The following GGT5 variants were observed in gnomAD, a reference collection of about 807,000 sequenced individuals.
GGT5 encodes gamma-glutamyltransferase 5.
A neutral mutation model predicts 58.1 loss-of-function variants in GGT5; 50 were observed. The observed-to-expected ratio is 0.86, with a 90% CI of 0.69 to 1.09. The LOEUF (loss-of-function observed/expected upper bound fraction) is 1.09, where lower values mean the gene tolerates loss of function less well. Among genes scored for constraint, GGT5 ranks in the 50% least tolerant of loss-of-function variants. The pLI is 0.00. For synonymous variants in GGT5, 370 were observed against 346.1 expected (o/e 1.07, Z -0.77); for missense variants, 800 against 789.4 (o/e 1.01, Z -0.16).
At position 24,238,895 on chromosome 22, in the gene GGT5, A is replaced by AT. The variant is rs1569372260; in HGVS notation, c.174-4892dup. On this transcript the variant is annotated intron_variant, in intron 1 of 11. Coordinates refer to ENST00000327365, the MANE Select transcript of GGT5 (RefSeq NM_004121.5). Reference sequence around the variant, plus strand: ...ATATAATATATATTATATATTTTATATATATATATATTATATATATTATAT... The same window carrying AT: ...ATATAATATATATTATATATTTTATATTATATATATATTATATATATTATAT... 6.5e-3 allele frequency among the ~76,000 whole-genome samples: 79 copies of AT among 12,170 alleles called. 1 individual carries two copies. The highest frequency in any genetic ancestry group is 0.023 in the African/African-American group (63 of 2,696). 8.0% of individuals were successfully genotyped at this position (12,170 alleles called of 152,430 possible).
chr22:24,220,782 A>G (rs2047567444), intron 11 of GGT5: 1 of 418,522 alleles, frequency 2.4e-6, no homozygotes, highest in Non-Finnish European at 4.7e-6. Context: ...CTGTAATCCC[A>G]GCACTTTGGG....
At chr22:24,233,793 T>C in intron 2 of GGT5, 81 bp downstream of exon 2, 1 of 1,387,054 alleles carries the variant, frequency 7.2e-7, no homozygotes, top group Non-Finnish European at 1.0e-6. Context: ...GGGCTTGAGT[T>C]GATGGGACTG....
intron 1 of GGT5, among the ~76,000 whole-genome samples, chr22:24,235,642 T>G (rs1378126996): frequency 2.6e-5 from 4 of 152,068 alleles, no homozygotes; most frequent in Non-Finnish European, 5.9e-5. Flanking sequence ...AATAAACAAG[T>G]CAGGCATAAA....
At chr22:24,222,515 G>A (rs1456986463) in intron 11 of GGT5, among the ~76,000 whole-genome samples, 2 of 152,084 alleles carry the variant, frequency 1.3e-5, no homozygotes, top group Non-Finnish European at 2.9e-5. Flanking sequence ...GACTCTCCTC[G>A]CCCTAGTCCC....
chr22:24,231,431 G>T lies in GGT5; in HGVS notation c.854C>A (p.Pro285Gln). ...LGDYTLYSPP[P>Q]PAGGAILSFI... is the part of the protein sequence containing the mutation. The stretch of plus-strand genomic sequence containing the variant: ...GCTGAGAATGGCACCCCCTGCAGGC[G>T]GCGGTGGTGAGTACAGGGTATAGTC... The change falls in exon 6 of 12, where the codon CCG becomes CAG. Residue 285 changes from proline to glutamine, a missense_variant. Physicochemically the swap from Pro to Gln is moderately conservative, Grantham distance 76. Transcript: ENST00000327365. The T allele has an allele frequency of 6.4e-7, 1 of 1,558,686 alleles. No individual in the cohort carries two copies. The highest frequency in any genetic ancestry group is 2.4e-5 in the East Asian group (1 of 41,464).
At chr22:24,227,879 A>C (rs1016107258) in intron 6 of GGT5, among the ~76,000 whole-genome samples, 2 of 151,666 alleles carry the variant, frequency 1.3e-5, no homozygotes, top group African/African-American at 4.8e-5. Context: ...GTGAAACCCC[A>C]TCTCTACAAA....
chr22:24,233,098 C>G (rs2047997885), intron 3 of GGT5, 80 bp from the exon 4 acceptor site: 3 of 1,068,526 alleles, frequency 2.8e-6, no homozygotes, highest in East Asian at 2.9e-5. Flanking sequence ...TGTGGCCCCC[C>G]AGTTACAGCA....
Position 24,232,220 on chromosome 22 carries a change from G to T in GGT5, c.597-12C>A. On this transcript the variant is annotated splice_polypyrimidine_tract_variant and intron_variant, in intron 4 of 11. Transcript: ENST00000327365. ...TGAAGAAGAGCTGGCTGGGGGGTGG[G>T]GGGAGCCTCAGGGTGGGGCCAGGTC... 2.8e-6 allele frequency: 4 copies of T among 1,442,772 alleles called. No individual in the cohort carries two copies. The South Asian group carries it at 3.9e-5, about 14-fold the overall frequency. 89.4% of individuals were successfully genotyped at this position (1,442,772 alleles called of 1,614,324 possible). A position where few individuals can be genotyped will look rare whatever the true frequency, so the allele number is the denominator to read the frequency against.
At position 24,225,330 on chromosome 22, in the gene GGT5, G is replaced by T; in HGVS notation, c.1418C>A (p.Pro473His). ...PGERSPSSMV[P>H]SILINKAQGS... ...CTGGGCTTTGTTGATCAAGATGGAGGGCACCATGGAGGATGGGGAACGCTC... is the reference window on the plus strand; with the variant it reads ...CTGGGCTTTGTTGATCAAGATGGAGTGCACCATGGAGGATGGGGAACGCTC... Residue 473 changes from proline to histidine, a missense_variant, in exon 10 of 12, where the codon CCC becomes CAC. Pro to His is a moderately conservative substitution (Grantham distance 77). Transcript: ENST00000327365. 1 of 1,613,892 alleles carries T rather than the reference G, an allele frequency of 6.2e-7. No individual in the cohort carries two copies. The highest frequency in any genetic ancestry group is 8.5e-7 in the Non-Finnish European group (1 of 1,179,868).
rs773814759 is a variant in GGT5 at position 24,244,776 on chromosome 22, G to A, written c.-51C>T. Reference sequence around the variant, plus strand: ...GCGGCTGGTGGGCAGACGGAGGGACGGATGGGTGGGCAGATGAATGGACAA... The same window carrying A: ...GCGGCTGGTGGGCAGACGGAGGGACAGATGGGTGGGCAGATGAATGGACAA... On this transcript the variant is annotated 5_prime_UTR_variant, in exon 1 of 12. Coordinates refer to ENST00000327365, the MANE Select transcript of GGT5 (RefSeq NM_004121.5). The A allele has an allele frequency of 9.1e-6, 14 of 1,544,868 alleles. No homozygotes were observed. In the East Asian group the frequency reaches 1.7e-4, roughly 18 times the overall value.
At chr22:24,221,909 G>A (rs927308095) in intron 11 of GGT5, among the ~76,000 whole-genome samples, 2 of 151,812 alleles carry the variant, frequency 1.3e-5, no homozygotes, top group Non-Finnish European at 2.9e-5. Context: ...GCCAGGCGCG[G>A]TGGTCATGCC....
chr22:24,232,689 T>C, intron 4 of GGT5, 134 bp downstream of exon 4: 1 of 551,260 alleles, frequency 1.8e-6, no homozygotes, highest in Non-Finnish European at 3.0e-6. Context: ...TGAAAAGTAC[T>C]CTTTGTCCTG....
chr22:24,228,128 C>T (rs2047832700), intron 6 of GGT5, among the ~76,000 whole-genome samples: 1 of 149,572 alleles, frequency 6.7e-6, no homozygotes, highest in South Asian at 2.1e-4. Context: ...AGACAGGACT[C>T]TCGTGCACAA....
chr22:24,240,464 C>T (rs1351839266), intron 1 of GGT5, among the ~76,000 whole-genome samples: 1 of 150,534 alleles, frequency 6.6e-6, no homozygotes, highest in Non-Finnish European at 1.5e-5. Flanking sequence ...ATATATCATG[C>T]ATGCACTAAC....
intron 11 of GGT5, chr22:24,220,365 A>G (rs546738810): frequency 4.9e-6 from 3 of 615,536 alleles, no homozygotes; most frequent in Non-Finnish European, 8.9e-6. Context: ...TCCAAATGCA[A>G]GTTCATGTCT....
chr22:24,233,156 C>T, intron 3 of GGT5, 138 bp from the exon 4 acceptor site: 2 of 669,962 alleles, frequency 3.0e-6, no homozygotes, highest in Non-Finnish European at 2.4e-6. Flanking sequence ...TCCCTCCCTG[C>T]TCAAATCACC....
chr22:24,225,858 A>C (rs7288670), intron 8 of GGT5, among the ~76,000 whole-genome samples: 2 of 151,932 alleles, frequency 1.3e-5, no homozygotes, highest in African/African-American at 4.8e-5. Flanking sequence ...GAGTGAGGCT[A>C]CCCATTCCCA....
intron 4 of GGT5, 66 bp from the exon 5 acceptor site, chr22:24,232,274 C>T (rs2047968142): frequency 3.1e-6 from 3 of 973,372 alleles, no homozygotes; most frequent in Non-Finnish European, 4.5e-6. Flanking sequence ...TTCCGGGGCT[C>T]TCATGGGTGG....
intron 6 of GGT5, among the ~76,000 whole-genome samples, chr22:24,227,021 T>A (rs2047789906): frequency 6.9e-6 from 1 of 145,818 alleles, no homozygotes. Context: ...CAGTCTCAGC[T>A]CACTGCAATC....
Sources: gnomAD v4.1 joint callset for allele counts (sites outside exome capture counted in the v4.1 genomes callset) on GRCh38, gnomAD v4.1.1 for gene constraint, MANE v1.5 for transcripts, NCBI Gene and HGNC (gene_info 2026-07-23, HGNC 2026-07-21) for gene names.